The following HS6ST3 variants were observed in gnomAD, a reference collection of about 807,000 sequenced individuals.
HS6ST3 encodes heparan sulfate 6-O-sulfotransferase 3, also known as heparan-sulfate 6-O-sulfotransferase 3.
Under a neutral mutation model 36.7 loss-of-function variants are expected in HS6ST3, and 12 were observed. That is an observed-to-expected ratio of 0.33 (90% CI 0.21 to 0.53). HS6ST3 has a LOEUF of 0.53. HS6ST3 is among the 20% of genes least tolerant of loss of function. The pLI, the probability that HS6ST3 is intolerant of heterozygous loss-of-function variation, is 0.95. For synonymous variants in HS6ST3, 240 were observed against 257.5 expected, an observed-to-expected ratio of 0.93 and a Z score of 0.65; for missense variants, 584 against 640.9, an observed-to-expected ratio of 0.91 and a Z score of 0.96.
chr13:96,181,252 T>G (rs1273061913), intron 1 of HS6ST3, among the ~76,000 whole-genome samples: 11 of 152,336 alleles, frequency 7.2e-5, no homozygotes, highest in Middle Eastern at 3.4e-3. Flanking sequence ...ACAGACCTTT[T>G]TTTCCCCCAA....
At chr13:96,694,456 A>C (rs1316559176) in intron 1 of HS6ST3, among the ~76,000 whole-genome samples, 2 of 152,306 alleles carry the variant, frequency 1.3e-5, no homozygotes, top group African/African-American at 4.8e-5. Flanking sequence ...GCTATTGTAA[A>C]GAGTGCTGAA....
chr13:96,521,188 C>T (rs2056091894), intron 1 of HS6ST3, among the ~76,000 whole-genome samples: 1 of 152,168 alleles, frequency 6.6e-6, no homozygotes, highest in African/African-American at 2.4e-5. Flanking sequence ...CCTTGCATCC[C>T]AGGGATGAAG....
chr13:96,236,686 A>C (rs185663293), intron 1 of HS6ST3, among the ~76,000 whole-genome samples: 17 of 152,320 alleles, frequency 1.1e-4, no homozygotes, highest in South Asian at 4.1e-4. Context: ...AAGAGGTGCC[A>C]AGATTTAATT....
intron 1 of HS6ST3, among the ~76,000 whole-genome samples, chr13:96,277,811 A>G (rs2054755720): frequency 6.6e-6 from 1 of 152,182 alleles, no homozygotes; most frequent in Non-Finnish European, 1.5e-5. Flanking sequence ...ATTATTTTCT[A>G]TTTTTAATAC....
At chr13:96,170,815 A>G (rs1295451869) in intron 1 of HS6ST3, among the ~76,000 whole-genome samples, 1 of 152,228 alleles carries the variant, frequency 6.6e-6, no homozygotes, top group Non-Finnish European at 1.5e-5. Context: ...TGGACAATTG[A>G]TAGCAAGTGA....
At chr13:96,503,560 G>A (rs1384978609) in intron 1 of HS6ST3, among the ~76,000 whole-genome samples, 1 of 152,164 alleles carries the variant, frequency 6.6e-6, no homozygotes, top group East Asian at 1.9e-4. Flanking sequence ...TTTATTACTG[G>A]AGGAACACTG....
chr13:96,106,625 A>G lies in HS6ST3; in HGVS notation c.707+15056A>G, dbSNP rs186783100. Reference sequence around the variant, plus strand: ...GACAATCTGATCACAGAGCACAGGAAGTATCTCATCTATCTTCTTCCCTTT... The same window carrying G: ...GACAATCTGATCACAGAGCACAGGAGGTATCTCATCTATCTTCTTCCCTTT... On this transcript the variant is annotated intron_variant, in intron 1 of 1. Transcript: ENST00000376705. Among the ~76,000 whole-genome samples the G allele has an allele frequency of 1.5e-3, 222 of 152,338 alleles. 2 individuals are homozygous for G. Among genetic ancestry groups the G allele is most frequent in the African/African-American group, 5.2e-3 (216 of 41,574 alleles).
chr13:96,754,120 A>C (rs1282716350), intron 1 of HS6ST3, among the ~76,000 whole-genome samples: 4 of 152,142 alleles, frequency 2.6e-5, no homozygotes, highest in Non-Finnish European at 5.9e-5. Context: ...CACCCGGCAA[A>C]AATGTTTTTT....
intron 1 of HS6ST3, among the ~76,000 whole-genome samples, chr13:96,524,519 A>G (rs952303565): frequency 6.6e-6 from 1 of 152,224 alleles, no homozygotes; most frequent in Non-Finnish European, 1.5e-5. Context: ...GGCTCCACCC[A>G]GTTCAAGCTT....
At chr13:96,184,221 A>AAAGAGAGAGAGAGAGAG (rs1555389928) in intron 1 of HS6ST3, among the ~76,000 whole-genome samples, 1 of 61,004 alleles carries the variant, frequency 1.6e-5, no homozygotes, top group African/African-American at 7.4e-5. Flanking sequence ...AAAAAAAAAA[A>AAAGAGAGAGAGAGAGAG]AGAGAGAGAG....
intron 1 of HS6ST3, among the ~76,000 whole-genome samples, chr13:96,643,668 A>G (rs1005123613): frequency 1.3e-5 from 2 of 151,842 alleles, no homozygotes; most frequent in Non-Finnish European, 2.9e-5. Flanking sequence ...TTCAAGTACC[A>G]ACAGCCCTGT....
At chr13:96,793,386 T>C (rs1450209841) in intron 1 of HS6ST3, among the ~76,000 whole-genome samples, 1 of 152,082 alleles carries the variant, frequency 6.6e-6, no homozygotes, top group African/African-American at 2.4e-5. Context: ...GGGTACCTTT[T>C]GCTTGCCACA....
intron 1 of HS6ST3, among the ~76,000 whole-genome samples, chr13:96,514,884 T>C (rs1248719780): frequency 6.6e-6 from 1 of 151,974 alleles, no homozygotes; most frequent in Non-Finnish European, 1.5e-5. Flanking sequence ...TGCAAGTGAT[T>C]GTCTGGTAGC....
At position 96,473,020 on chromosome 13, in the gene HS6ST3, T is replaced by G. The variant is rs143939383; in HGVS notation, c.708-359470T>G. On this transcript the variant is annotated intron_variant, in intron 1 of 1. Coordinates refer to ENST00000376705, the MANE Select transcript of HS6ST3 (RefSeq NM_153456.4). ...ATTTAGAGAATCCATATATTTAGTATGACAAGCACATACTCAGACCCTAAA... is the reference window on the plus strand; with the variant it reads ...ATTTAGAGAATCCATATATTTAGTAGGACAAGCACATACTCAGACCCTAAA... Among the ~76,000 whole-genome samples, 802 of 152,296 alleles carry G rather than the reference T, an allele frequency of 5.3e-3. 9 individuals carry two copies. The highest frequency in any genetic ancestry group is 0.018 in the African/African-American group (765 of 41,558).
intron 1 of HS6ST3, among the ~76,000 whole-genome samples, chr13:96,271,207 G>A (rs186196481): frequency 6.6e-6 from 1 of 152,018 alleles, no homozygotes; most frequent in Non-Finnish European, 1.5e-5. Flanking sequence ...GAGTTGGAAA[G>A]AGAGGCTCAG....
intron 1 of HS6ST3, among the ~76,000 whole-genome samples, chr13:96,236,026 G>T (rs2054533036): frequency 6.6e-6 from 1 of 152,216 alleles, no homozygotes. Flanking sequence ...AGGCCAGAGA[G>T]TCCCTGGCAA....
At chr13:96,203,071 T>A (rs1057197127) in intron 1 of HS6ST3, among the ~76,000 whole-genome samples, 1 of 152,180 alleles carries the variant, frequency 6.6e-6, no homozygotes, top group Admixed American at 6.5e-5. Context: ...CTGTTACTTA[T>A]GGCACCAGCG....
intron 1 of HS6ST3, among the ~76,000 whole-genome samples, chr13:96,366,521 G>A (rs530826703): frequency 6.6e-6 from 1 of 152,172 alleles, no homozygotes; most frequent in Admixed American, 6.5e-5. Flanking sequence ...TAGAGTTCAA[G>A]GCCCATGCAC....
At chr13:96,329,819 G>A (rs1270642849) in intron 1 of HS6ST3, among the ~76,000 whole-genome samples, 7 of 120,226 alleles carry the variant, frequency 5.8e-5, no homozygotes, top group Non-Finnish European at 1.0e-4. Flanking sequence ...GGGAGTCTAA[G>A]TCTCTTTGTA....
Sources: allele counts gnomAD v4.1 joint callset (sites outside exome capture counted in the v4.1 genomes callset), GRCh38; gene constraint gnomAD v4.1.1; transcripts MANE v1.5; gene names NCBI Gene and HGNC (gene_info 2026-07-23, HGNC 2026-07-21).